Variants in PCNX1 observed in about 807,000 individuals in gnomAD.
PCNX1 encodes pecanex-like protein 1.
In PCNX1, 78 loss-of-function variants were observed where a neutral mutation model predicts 242.2. That is an observed-to-expected ratio of 0.32 (90% CI 0.27 to 0.39). The LOEUF (loss-of-function observed/expected upper bound fraction) is 0.39, where lower values mean the gene tolerates loss of function less well. PCNX1 is among the 10% of genes least tolerant of loss of function. The probability of loss-of-function intolerance (pLI) is 1.00; values close to 1 mark genes in which losing one functional copy is unlikely to be tolerated. For missense variants in PCNX1, 2,581 were observed against 2,856.5 expected (o/e 0.90, Z 2.20); for synonymous variants, 1,024 against 1,032.9 (o/e 0.99, Z 0.17).
intron 1 of PCNX1, among the ~76,000 whole-genome samples, chr14:70,920,778 T>G (rs2056346000): frequency 6.6e-6 from 1 of 152,182 alleles, no homozygotes; most frequent in Admixed American, 6.5e-5. Flanking sequence ...TAATGCCTTG[T>G]GTGTCATAAA....
At chr14:71,084,977 C>A (rs1296319446) in intron 28 of PCNX1, among the ~76,000 whole-genome samples, 2 of 152,170 alleles carry the variant, frequency 1.3e-5, no homozygotes, top group African/African-American at 4.8e-5. Flanking sequence ...GTGGTATAGG[C>A]ACGCGAGGGA....
chr14:71,036,405 T>G (rs2060533737), intron 19 of PCNX1, among the ~76,000 whole-genome samples: 2 of 152,302 alleles, frequency 1.3e-5, no homozygotes, highest in African/African-American at 4.8e-5. Context: ...CTCAAACTCC[T>G]GGGCTCAAGC....
At chr14:70,982,497 C>G (rs898331762) in intron 6 of PCNX1, among the ~76,000 whole-genome samples, 1 of 152,116 alleles carries the variant, frequency 6.6e-6, no homozygotes, top group Non-Finnish European at 1.5e-5. Context: ...TAACTTAATA[C>G]TGTATTAAAG....
At chr14:71,041,215 T>C (rs2141039970) in intron 19 of PCNX1, among the ~76,000 whole-genome samples, 1 of 152,300 alleles carries the variant, frequency 6.6e-6, no homozygotes, top group South Asian at 2.1e-4. Flanking sequence ...CTGGATAATA[T>C]GGTAACTCTA....
chr14:70,932,868 T>C (rs2056858249), intron 1 of PCNX1, among the ~76,000 whole-genome samples: 1 of 152,142 alleles, frequency 6.6e-6, no homozygotes, highest in Non-Finnish European at 1.5e-5. Flanking sequence ...TGCCTCGGCC[T>C]CCCAAAGTGC....
In PCNX1 at chr14:71,057,616, A is replaced by G; in HGVS notation, c.4744A>G (p.Thr1582Ala). The change falls in exon 26 of 36, where the codon ACA (threonine) becomes GCA (alanine). Residue 1582 changes from threonine to alanine, a missense_variant. Transcript: ENST00000304743. The part of the protein sequence containing the change: ...LLLGRWGNYS[T>A]GDCFILASDY... ...ACTAGGACGGTGGGGAAACTACAGT[A>G]CAGGGGACTGTTTCATCCTTGCCTC... 1 of 1,610,846 alleles carries G rather than the reference A, an allele frequency of 6.2e-7. No homozygotes were observed. The highest frequency in any genetic ancestry group is 8.5e-7 in the Non-Finnish European group (1 of 1,176,982).
intron 31 of PCNX1, 37 bp downstream of exon 31, chr14:71,102,257 G>A: frequency 1.3e-6 from 2 of 1,498,330 alleles, no homozygotes; most frequent in Non-Finnish European, 1.9e-6. Context: ...CCAAAACATA[G>A]AAGTTGAATA....
chr14:71,021,032 G>GT (rs532328415), intron 12 of PCNX1, among the ~76,000 whole-genome samples: 25 of 152,084 alleles, frequency 1.6e-4, no homozygotes, highest in Non-Finnish European at 2.5e-4. Flanking sequence ...TTTCCCCATT[G>GT]CTTGTTTTTG....
intron 8 of PCNX1, among the ~76,000 whole-genome samples, chr14:70,996,242 A>G (rs952899022): frequency 2.3e-4 from 35 of 150,946 alleles, no homozygotes; most frequent in African/African-American, 8.2e-4. Context: ...GACTTTTTTA[A>G]AAAAAAAGTT....
chr14:70,980,606 A>G (rs1006914871), intron 6 of PCNX1, among the ~76,000 whole-genome samples: 1 of 152,122 alleles, frequency 6.6e-6, no homozygotes, highest in East Asian at 1.9e-4. Flanking sequence ...ATAACTAAAT[A>G]TAGGGGTTTT....
chr14:71,044,069 C>T (rs61990406), intron 19 of PCNX1, among the ~76,000 whole-genome samples: 5,139 of 152,190 alleles, frequency 0.034, 103 homozygotes, highest in African/African-American at 0.048. Context: ...GTGTACTCTC[C>T]GTATGATTTC....
At chr14:70,966,982 G>A (rs1595080612) in intron 3 of PCNX1, among the ~76,000 whole-genome samples, 1 of 152,278 alleles carries the variant, frequency 6.6e-6, no homozygotes, top group African/African-American at 2.4e-5. Context: ...GGAAAAACTA[G>A]AAGAACCAAG....
At chr14:71,068,840 A>G (rs1241212109) in intron 26 of PCNX1, among the ~76,000 whole-genome samples, 1 of 150,700 alleles carries the variant, frequency 6.6e-6, no homozygotes, top group Non-Finnish European at 1.5e-5. Flanking sequence ...CACATAAAAA[A>G]TAAGTATAGT....
chr14:71,114,654 A>ACTT lies in PCNX1; in HGVS notation c.*4720_*4722dup, dbSNP rs1311306804. ...GGTTATATGACAACTCTGTTCTAAG[A>ACTT]CTTATACCTATTATATAGGGTTATA... On this transcript the variant is annotated 3_prime_UTR_variant, in exon 36 of 36. Transcript: ENST00000304743. 2 of 151,676 alleles carry ACTT rather than the reference A, an allele frequency of 1.3e-5. No homozygotes were observed. The highest frequency in any genetic ancestry group is 2.9e-5 in the Non-Finnish European group (2 of 67,904). 9.4% of individuals were successfully genotyped at this position (151,676 alleles called of 1,614,324 possible).
At position 71,013,089 on chromosome 14, in the gene PCNX1, C is replaced by T. The variant is rs2059868154; in HGVS notation, c.2883C>T (p.Gly961=). 1 of 1,613,962 alleles carries T rather than the reference C, an allele frequency of 6.2e-7. No individual in the cohort carries two copies. The highest frequency in any genetic ancestry group is 8.5e-7 in the Non-Finnish European group (1 of 1,179,870). The part of the protein sequence containing the change: ...DLSPDLAATY[G]PTEEAAQKVK... ...GCCCTGACTTGGCAGCTACTTACGG[C>T]CCAACAGAAGAAGCTGCCCAAAAGG... Residue 961 remains glycine (G), a synonymous_variant, in exon 11 of 36, where the codon GGC becomes GGT. Coordinates refer to ENST00000304743, the MANE Select transcript of PCNX1 (RefSeq NM_014982.3).
Position 70,977,566 on chromosome 14 carries a change from T to TAG in PCNX1, c.1234_1235dup (p.Ser412ArgfsTer139). The stretch of plus-strand genomic sequence containing the variant: ...AGTGAGCAGACCAGCTCAACTCACA[T>TAG]AGAGAGCATCCTGTCAGAGCATGAG... On this transcript the variant is annotated frameshift_variant, in exon 6 of 36. Transcript: ENST00000304743. LOFTEE classifies it high-confidence loss of function. The TAG allele has an allele frequency of 6.2e-7, 1 of 1,614,088 alleles. No individual in the cohort carries two copies. Among genetic ancestry groups the TAG allele is most frequent in the Non-Finnish European group, 8.5e-7 (1 of 1,180,018 alleles).
intron 26 of PCNX1, among the ~76,000 whole-genome samples, chr14:71,062,858 T>C (rs897399639): frequency 6.6e-6 from 1 of 152,198 alleles, no homozygotes; most frequent in Non-Finnish European, 1.5e-5. Flanking sequence ...ATTTTTTATC[T>C]TTTTGCCATA....
At chr14:70,962,860 T>C (rs951641481) in intron 3 of PCNX1, among the ~76,000 whole-genome samples, 1 of 152,202 alleles carries the variant, frequency 6.6e-6, no homozygotes, top group South Asian at 2.1e-4. Flanking sequence ...AGTCCTCTTA[T>C]TCATCCTAAA....
At chr14:71,077,889 T>C (rs2061758013) in intron 28 of PCNX1, among the ~76,000 whole-genome samples, 1 of 152,188 alleles carries the variant, frequency 6.6e-6, no homozygotes, top group Non-Finnish European at 1.5e-5. Flanking sequence ...TTAGATGATA[T>C]TGGCTATTTT....
Sources: gnomAD v4.1 joint callset for allele counts (sites outside exome capture counted in the v4.1 genomes callset) on GRCh38, gnomAD v4.1.1 for gene constraint, MANE v1.5 for transcripts, NCBI Gene and HGNC (gene_info 2026-07-23, HGNC 2026-07-21) for gene names.